SCIN: variants seen among roughly 807,000 people sequenced by gnomAD.
The protein encoded by SCIN is adseverin.
In SCIN, 91 loss-of-function variants were observed where a neutral mutation model predicts 91.8. The ratio of observed to expected loss-of-function variants is 0.99; its 90% CI spans 0.84 to 1.18. SCIN has a LOEUF of 1.18. Among genes scored for constraint, SCIN ranks in the 50% most tolerant of loss-of-function variants. SCIN has a pLI of 0.00. For missense variants in SCIN, 1,087 were observed against 863.9 expected, an observed-to-expected ratio of 1.26 and a Z score of -3.24; for synonymous variants, 367 against 312.6, an observed-to-expected ratio of 1.17 and a Z score of -1.84.
chr7:12,637,272 A>G (rs1057328527), intron 10 of SCIN, among the ~76,000 whole-genome samples: 1 of 152,200 alleles, frequency 6.6e-6, no homozygotes, highest in Non-Finnish European at 1.5e-5. Context: ...AAAAAGATGC[A>G]TTTTCTTACA....
At chr7:12,608,540 C>T (rs772959228) in intron 4 of SCIN, among the ~76,000 whole-genome samples, 4 of 152,004 alleles carry the variant, frequency 2.6e-5, no homozygotes, top group East Asian at 1.9e-4. Context: ...TGCAGTGGTA[C>T]GGTCTCGGCA....
chr7:12,623,669 T>C (rs1319247956), intron 5 of SCIN, among the ~76,000 whole-genome samples: 2 of 152,186 alleles, frequency 1.3e-5, no homozygotes, highest in Non-Finnish European at 2.9e-5. Flanking sequence ...TAAATCTCCA[T>C]GCAGAATTTA....
chr7:12,579,908 C>G (rs1299784159), intron 2 of SCIN, among the ~76,000 whole-genome samples: 1 of 152,180 alleles, frequency 6.6e-6, no homozygotes, highest in Non-Finnish European at 1.5e-5. Context: ...GAGTGAAACT[C>G]TGTCTCAAAA....
rs1285181594 is a variant in SCIN at position 12,651,194 on chromosome 7, A to T, written c.1960-647A>T. Among the ~76,000 whole-genome samples the T allele has an allele frequency of 6.6e-6, 1 of 152,236 alleles. No homozygotes were observed. Among genetic ancestry groups the T allele is most frequent in the African/African-American group, 2.4e-5 (1 of 41,462 alleles). On this transcript the variant is annotated intron_variant, in intron 14 of 15. Transcript: ENST00000297029. The surrounding 1 kb of genome is among the most constrained non-coding windows in gnomAD (Gnocchi z 5.9). ...GCAAAACTGGTTATGGGAGGGAGAGAAGAGGCCTGGCTAGGAAAGATGGTC... is the reference window on the plus strand; with the variant it reads ...GCAAAACTGGTTATGGGAGGGAGAGTAGAGGCCTGGCTAGGAAAGATGGTC...
At chr7:12,633,599 A>C (rs762605310) in intron 9 of SCIN, among the ~76,000 whole-genome samples, 1 of 152,114 alleles carries the variant, frequency 6.6e-6, no homozygotes, top group Non-Finnish European at 1.5e-5. Context: ...TAGTTGAAAT[A>C]CTCCAAAAAA....
At chr7:12,597,296 T>TA (rs1242005082) in intron 3 of SCIN, among the ~76,000 whole-genome samples, 20 of 152,210 alleles carry the variant, frequency 1.3e-4, no homozygotes, top group African/African-American at 2.4e-5. Flanking sequence ...TTTGGGTAAC[T>TA]AGATCTAAGG....
At chr7:12,643,590 T>G (rs1422825200) in intron 11 of SCIN, among the ~76,000 whole-genome samples, 1 of 152,184 alleles carries the variant, frequency 6.6e-6, no homozygotes, top group South Asian at 2.1e-4. Flanking sequence ...TCTAGTGTTC[T>G]CTCCTTCAAC....
chr7:12,606,960 A>G (rs1303672137), intron 4 of SCIN, among the ~76,000 whole-genome samples: 3 of 152,216 alleles, frequency 2.0e-5, no homozygotes, highest in Non-Finnish European at 4.4e-5. Flanking sequence ...TCAACCATGT[A>G]AGTCTTCTAA....
chr7:12,580,764 G>T (rs761655565), intron 2 of SCIN, among the ~76,000 whole-genome samples: 7 of 152,158 alleles, frequency 4.6e-5, no homozygotes, highest in Admixed American at 3.9e-4. Flanking sequence ...AAGAGCTATG[G>T]CATCTTCTTT....
rs1784142545 is a variant in SCIN, at chr7:12,654,937, T to C, written c.*2222T>C. 6.6e-6 allele frequency: 1 copy of C among 152,182 alleles called. No individual in the cohort carries two copies. Among genetic ancestry groups the C allele is most frequent in the Admixed American group, 6.5e-5 (1 of 15,280 alleles). The allele number at this position is 152,182 out of a possible 1,614,324, so 9.4% of individuals were successfully genotyped here. A position where few individuals can be genotyped will look rare whatever the true frequency, so the allele number is the denominator to read the frequency against. On this transcript the variant is annotated 3_prime_UTR_variant, in exon 16 of 16. Coordinates refer to ENST00000297029, the MANE Select transcript of SCIN (RefSeq NM_001112706.3). ...GAATGCATCACGGCAAAGATGCATG[T>C]ACTCATGAAGCATAAAATTAAAAAT...
In SCIN at chr7:12,644,234, C is replaced by G. The variant is rs1783912654; in HGVS notation, c.1678C>G (p.Gln560Glu). 1 of 1,609,652 alleles carries G rather than the reference C, an allele frequency of 6.2e-7. No homozygotes were observed. The highest frequency in any genetic ancestry group is 1.3e-5 in the African/African-American group (1 of 74,942). The stretch of plus-strand genomic sequence containing the variant: ...CATCTGGGTAGGAAAAGGTGCTAGC[C>G]AGGAGGAGGAGAAAGGAGCAGAGTA... The part of the protein sequence containing the change: ...GYIWVGKGAS[Q>E]EEEKGAEYVA... Residue 560 changes from glutamine to glutamate, a missense_variant, in exon 12 of 16, where the codon CAG becomes GAG. Transcript: ENST00000297029.
At chr7:12,594,111 C>T (rs568453189) in intron 3 of SCIN, among the ~76,000 whole-genome samples, 1 of 152,218 alleles carries the variant, frequency 6.6e-6, no homozygotes, top group Non-Finnish European at 1.5e-5. Flanking sequence ...GGTTGCTGAG[C>T]ACATTGGGCC....
intron 3 of SCIN, among the ~76,000 whole-genome samples, chr7:12,600,824 A>G (rs1011825665): frequency 6.6e-6 from 1 of 152,126 alleles, no homozygotes; most frequent in African/African-American, 2.4e-5. Flanking sequence ...ACATCTCTGT[A>G]TTTTTAAAAA....
At position 12,641,610 on chromosome 7, in the gene SCIN, C is replaced by T. The variant is rs554622066; in HGVS notation, c.1581+1093C>T. ...TTTTCCTTGACCGCATTTCATCTCA[C>T]ACTCACATGGTCCTATACTAAATTT... On this transcript the variant is annotated intron_variant, in intron 11 of 15. Transcript: ENST00000297029. 5.9e-5 allele frequency among the ~76,000 whole-genome samples: 9 copies of T among 152,292 alleles called. No individual in the cohort carries two copies. In the South Asian group the frequency reaches 1.9e-3, roughly 32 times the overall value.
chr7:12,577,448 C>G (rs780768253), intron 1 of SCIN: 3 of 443,744 alleles, frequency 6.8e-6, no homozygotes, highest in Non-Finnish European at 9.0e-6. Flanking sequence ...ATTGACCTTA[C>G]CAAATTAATG....
intron 10 of SCIN, among the ~76,000 whole-genome samples, chr7:12,637,118 A>G (rs1290575319): frequency 1.3e-5 from 2 of 152,180 alleles, no homozygotes; most frequent in African/African-American, 4.8e-5. Flanking sequence ...AACTCATTTC[A>G]GACTTATGAC....
intron 3 of SCIN, among the ~76,000 whole-genome samples, chr7:12,591,748 G>C (rs1185580782): frequency 6.6e-6 from 1 of 152,142 alleles, no homozygotes; most frequent in East Asian, 1.9e-4. Flanking sequence ...GGAAGGAAAG[G>C]ATTTCGCTTT....
rs1284352129 is a variant in SCIN, at chr7:12,629,131, C to T, written c.1228C>T (p.Gln410Ter). Residue 410 changes from glutamine (Q) to a stop codon, truncating the protein, a stop_gained, in exon 9 of 16, where the codon CAA becomes TAA. Transcript: ENST00000297029. LOFTEE classifies it high-confidence loss of function. ...GCGTGTAGAAAACAATGGTAGGATC[C>T]AAGTTGACCAAAACTCATATGGTGA... ...IWRVENNGRI[Q>*]VDQNSYGEFY... 2 of 1,612,788 alleles carry T rather than the reference C, an allele frequency of 1.2e-6. No homozygotes were observed. Among genetic ancestry groups the T allele is most frequent in the Admixed American group, 1.7e-5 (1 of 59,882 alleles).
At chr7:12,625,553 T>C (rs1783501120) in intron 6 of SCIN, among the ~76,000 whole-genome samples, 1 of 151,504 alleles carries the variant, frequency 6.6e-6, no homozygotes, top group African/African-American at 2.4e-5. Flanking sequence ...ATGGTCTCGA[T>C]CTCTTGACCT....
Sources: gnomAD v4.1 joint callset for allele counts (sites outside exome capture counted in the v4.1 genomes callset) on GRCh38, gnomAD v4.1.1 for gene constraint, Gnocchi (gnomAD v3.1) non-coding constraint, MANE v1.5 for transcripts, NCBI Gene and HGNC (gene_info 2026-07-23, HGNC 2026-07-21) for gene names.